The following PARD3 variants were observed in gnomAD, a reference collection of about 807,000 sequenced individuals.
PARD3 encodes par-3 family cell polarity regulator.
PARD3 carries 75 observed loss-of-function variants against 155.4 expected under a neutral mutation model. That is an observed-to-expected ratio of 0.48 (90% CI 0.40 to 0.58). PARD3 has a LOEUF of 0.58. Among genes scored for constraint, PARD3 ranks in the 20% least tolerant of loss-of-function variants. PARD3 has a pLI of 0.00. For missense variants in PARD3, 1,642 were observed against 1,721.7 expected, an observed-to-expected ratio of 0.95 and a Z score of 0.82; for synonymous variants, 576 against 610.5, an observed-to-expected ratio of 0.94 and a Z score of 0.83.
intron 22 of PARD3, among the ~76,000 whole-genome samples, chr10:34,164,137 T>C (rs980052232): frequency 2.6e-5 from 4 of 152,048 alleles, no homozygotes; most frequent in African/African-American, 9.7e-5. Context: ...ACAGCTACTA[T>C]GGGAATTCAA....
At chr10:34,371,822 T>C (rs796751579) in intron 12 of PARD3, among the ~76,000 whole-genome samples, 4 of 152,230 alleles carry the variant, frequency 2.6e-5, no homozygotes, top group South Asian at 2.1e-4. Flanking sequence ...CAATATAAAA[T>C]GCCCTTTTTA....
chr10:34,349,826 T>C (rs748127617), intron 14 of PARD3, among the ~76,000 whole-genome samples: 1 of 152,166 alleles, frequency 6.6e-6, no homozygotes, highest in Non-Finnish European at 1.5e-5. Context: ...ATTTTCTACA[T>C]GATAAAACCT....
chr10:34,350,003 GA>G (rs1345184605), intron 14 of PARD3, among the ~76,000 whole-genome samples: 1 of 152,100 alleles, frequency 6.6e-6, no homozygotes, highest in Non-Finnish European at 1.5e-5. Flanking sequence ...ATTTTCATAG[GA>G]AAGATTCTCC....
At chr10:34,243,695 G>A (rs1420524657) in intron 22 of PARD3, among the ~76,000 whole-genome samples, 2 of 152,132 alleles carry the variant, frequency 1.3e-5, no homozygotes, top group Middle Eastern at 3.2e-3. Flanking sequence ...AATTGGCTGG[G>A]TGTGTCGGCG....
At chr10:34,258,634 T>C (rs1095687) in intron 22 of PARD3, among the ~76,000 whole-genome samples, 87,873 of 151,958 alleles carry the variant, frequency 0.58, 26,385 homozygotes, top group African/African-American at 0.75. Context: ...CAGGCATCAT[T>C]ATGCCTAATG....
chr10:34,444,923 A>C (rs999998443), intron 5 of PARD3, among the ~76,000 whole-genome samples: 2 of 152,210 alleles, frequency 1.3e-5, no homozygotes, highest in African/African-American at 4.8e-5. Context: ...ATAAGCATTA[A>C]GTAGAAAACA....
At chr10:34,561,212 T>C (rs1029333255) in intron 2 of PARD3, among the ~76,000 whole-genome samples, 3 of 152,152 alleles carry the variant, frequency 2.0e-5, no homozygotes, top group Admixed American at 6.5e-5. Context: ...CTGAAATCCT[T>C]TGGCCACCAT....
chr10:34,475,312 A>C (rs1039113194), intron 3 of PARD3, among the ~76,000 whole-genome samples: 3 of 152,246 alleles, frequency 2.0e-5, no homozygotes, highest in African/African-American at 4.8e-5. Flanking sequence ...TTTGCTTAAT[A>C]GAAGACATCT....
chr10:34,765,893 T>C (rs1382491016), intron 1 of PARD3, among the ~76,000 whole-genome samples: 1 of 152,190 alleles, frequency 6.6e-6, no homozygotes, highest in Non-Finnish European at 1.5e-5. Flanking sequence ...TAAGTACTAT[T>C]ATTACACACA....
chr10:34,198,433 C>T (rs778155679), intron 22 of PARD3, among the ~76,000 whole-genome samples: 36 of 149,074 alleles, frequency 2.4e-4, no homozygotes, highest in Admixed American at 1.3e-3. Flanking sequence ...CATAAGAATG[C>T]CTATCTGAAA....
At chr10:34,809,632 G>A (rs947083474) in intron 1 of PARD3, among the ~76,000 whole-genome samples, 7 of 152,226 alleles carry the variant, frequency 4.6e-5, no homozygotes, top group African/African-American at 1.7e-4. Context: ...AGCAGCTGCA[G>A]AGGGAGTGGC....
At chr10:34,261,451 G>A (rs111416562) in intron 22 of PARD3, among the ~76,000 whole-genome samples, 1 of 152,224 alleles carries the variant, frequency 6.6e-6, no homozygotes, top group African/African-American at 2.4e-5. Flanking sequence ...CACTTTGGGA[G>A]GTCAAAGTGG....
intron 2 of PARD3, among the ~76,000 whole-genome samples, chr10:34,557,480 CGTTTTTTT>C (rs1564841084): frequency 6.6e-6 from 1 of 151,754 alleles, no homozygotes; most frequent in Non-Finnish European, 1.5e-5. Context: ...CCTACTGTTT[CGTTTTTTT>C]GTTTTTTTGA....
Position 34,321,498 on chromosome 10 carries a change from T to C in PARD3, c.2834-4160A>G, listed in dbSNP as rs542669725. 9.2e-5 allele frequency among the ~76,000 whole-genome samples: 14 copies of C among 152,344 alleles called. No homozygotes were observed. In the South Asian group the frequency reaches 1.0e-3, roughly 11 times the overall value. On this transcript the variant is annotated intron_variant, in intron 19 of 24. Transcript: ENST00000374788. ...TCCAAACAAATAGAAATTTCCATTT[T>C]TGACAACATTTCTGCCTGTTTAAAC... is the stretch of plus-strand genomic sequence containing the variant.
chr10:34,619,988 C>T (rs2091537683), intron 2 of PARD3, among the ~76,000 whole-genome samples: 2 of 152,134 alleles, frequency 1.3e-5, no homozygotes, highest in Admixed American at 6.5e-5. Flanking sequence ...TCAACAAATA[C>T]CTTGAGGCCA....
intron 2 of PARD3, among the ~76,000 whole-genome samples, chr10:34,569,706 C>T (rs183193031): frequency 1.3e-5 from 2 of 152,134 alleles, no homozygotes; most frequent in East Asian, 1.9e-4. Flanking sequence ...CGTGAGCCAC[C>T]GTGCCCGGCA....
intron 23 of PARD3, among the ~76,000 whole-genome samples, chr10:34,124,255 G>A (rs1947158875): frequency 2.0e-5 from 3 of 152,218 alleles, no homozygotes. Context: ...CTGTGATGAA[G>A]ATGATGGTGA....
rs559573250 is a variant in PARD3, at chr10:34,585,603, G to A, written c.223-68444C>T. On this transcript the variant is annotated intron_variant, in intron 2 of 24. Coordinates refer to ENST00000374788, the MANE Select transcript of PARD3 (RefSeq NM_001184785.2). ...ACAGATAGTACCATCTCTGTGCACA[G>A]AAAGTGAAAATTGTGGTGTGCGGGT... Among the ~76,000 whole-genome samples the A allele has an allele frequency of 2.7e-5, 4 of 149,400 alleles. 1 individual carries two copies. The South Asian group carries it at 8.4e-4, about 31-fold the overall frequency.
intron 2 of PARD3, among the ~76,000 whole-genome samples, chr10:34,534,882 C>T (rs2083114380): frequency 6.6e-6 from 1 of 152,096 alleles, no homozygotes; most frequent in Non-Finnish European, 1.5e-5. Flanking sequence ...CATGATGGTG[C>T]ATGCCTGTAA....
Sources: gnomAD v4.1 joint callset for allele counts (sites outside exome capture counted in the v4.1 genomes callset) on GRCh38, gnomAD v4.1.1 for gene constraint, MANE v1.5 for transcripts, NCBI Gene and HGNC (gene_info 2026-07-23, HGNC 2026-07-21) for gene names.